DPP10: variants seen among roughly 807,000 people sequenced by gnomAD.
DPP10 encodes the protein inactive dipeptidyl peptidase 10.
A neutral mutation model predicts 120.9 loss-of-function variants in DPP10; 33 were observed. The ratio of observed to expected loss-of-function variants is 0.27; its 90% CI spans 0.21 to 0.37. The LOEUF (loss-of-function observed/expected upper bound fraction) is 0.37, where lower values mean the gene tolerates loss of function less well. Among genes scored for constraint, DPP10 ranks in the 10% least tolerant of loss-of-function variants. The pLI is 1.00. For synonymous variants in DPP10, 337 were observed against 326.1 expected (o/e 1.03, Z -0.36); for missense variants, 816 against 942.8 (o/e 0.87, Z 1.76).
intron 1 of DPP10, among the ~76,000 whole-genome samples, chr2:115,025,171 C>T (rs1010696722): frequency 3.3e-4 from 42 of 126,582 alleles, no homozygotes; most frequent in Non-Finnish European, 5.0e-5. Flanking sequence ...CCTTCTCAGC[C>T]TCTGGTAACC....
chr2:114,724,273 G>A (rs1424757357), intron 1 of DPP10, among the ~76,000 whole-genome samples: 1 of 152,200 alleles, frequency 6.6e-6, no homozygotes, highest in Non-Finnish European at 1.5e-5. Context: ...GCCATAAAAT[G>A]CCACACACTG....
At chr2:115,719,592 A>G (rs530734147) in intron 7 of DPP10, among the ~76,000 whole-genome samples, 19 of 152,332 alleles carry the variant, frequency 1.2e-4, no homozygotes, top group East Asian at 7.7e-4. Context: ...TTTGCATTAT[A>G]TAACTGGACA....
At chr2:115,571,541 CA>C (rs1214887684) in intron 5 of DPP10, among the ~76,000 whole-genome samples, 1 of 152,104 alleles carries the variant, frequency 6.6e-6, no homozygotes, top group African/African-American at 2.4e-5. Flanking sequence ...CATCTTTAAT[CA>C]GAGATGCAAT....
At chr2:114,486,031 G>C (rs1681487907) in intron 1 of DPP10, among the ~76,000 whole-genome samples, 1 of 152,154 alleles carries the variant, frequency 6.6e-6, no homozygotes, top group African/African-American at 2.4e-5. Flanking sequence ...TGAACTTACT[G>C]GAAGATTCGT....
chr2:115,495,150 G>A (rs538252553), intron 3 of DPP10, among the ~76,000 whole-genome samples: 1 of 151,934 alleles, frequency 6.6e-6, no homozygotes, highest in South Asian at 2.1e-4. Context: ...GGATTAAGGC[G>A]AAATATGAAT....
At chr2:114,987,088 G>A (rs773630242) in intron 1 of DPP10, among the ~76,000 whole-genome samples, 1 of 151,976 alleles carries the variant, frequency 6.6e-6, no homozygotes, top group South Asian at 2.1e-4. Flanking sequence ...CCTAGGATAG[G>A]TTTTCTCATT....
intron 1 of DPP10, among the ~76,000 whole-genome samples, chr2:114,823,097 G>A (rs139805428): frequency 1.4e-4 from 22 of 152,176 alleles, no homozygotes; most frequent in African/African-American, 4.6e-4. Context: ...CCAATTTACT[G>A]TATTACTTCT....
intron 1 of DPP10, among the ~76,000 whole-genome samples, chr2:114,552,290 G>A (rs994813776): frequency 6.6e-6 from 1 of 151,976 alleles, no homozygotes; most frequent in Non-Finnish European, 1.5e-5. Flanking sequence ...GATGCTAAGG[G>A]GTTTGTGTTT....
intron 1 of DPP10, among the ~76,000 whole-genome samples, chr2:114,779,086 G>A (rs1682032122): frequency 6.6e-6 from 1 of 151,980 alleles, no homozygotes; most frequent in Non-Finnish European, 1.5e-5. Context: ...TACCTCTGGG[G>A]CCTGAGTAAT....
chr2:115,031,216 A>T (rs1703818817), intron 1 of DPP10, among the ~76,000 whole-genome samples: 1 of 152,192 alleles, frequency 6.6e-6, no homozygotes, highest in Non-Finnish European at 1.5e-5. Flanking sequence ...TTCAGGGAGA[A>T]TGATTTCCTC....
intron 1 of DPP10, chr2:114,462,164 C>T: frequency 1.0e-6 from 1 of 984,640 alleles, no homozygotes; most frequent in Non-Finnish European, 1.2e-6. Flanking sequence ...TTAAAAAATA[C>T]ACATTAAAGT....
At chr2:115,636,157 A>C (rs896877228) in intron 5 of DPP10, among the ~76,000 whole-genome samples, 3 of 151,940 alleles carry the variant, frequency 2.0e-5, no homozygotes, top group African/African-American at 7.2e-5. Flanking sequence ...AAAAAAAAAA[A>C]ACAAAAAACA....
intron 1 of DPP10, among the ~76,000 whole-genome samples, chr2:114,559,783 G>A (rs115000659): frequency 0.011 from 1,617 of 151,678 alleles, 33 homozygotes; most frequent in African/African-American, 0.036. Context: ...GGTCATGAAC[G>A]TGATAGGGCC....
chr2:115,161,813 T>TCCCCCCCCCCC, intron 1 of DPP10: 1 of 744,536 alleles, frequency 1.3e-6, no homozygotes, highest in East Asian at 3.9e-5. Context: ...CTTCTTCCCC[T>TCCCCCCCCCCC]CCCCGCCCCT....
At chr2:114,538,047 T>C (rs1345501775) in intron 1 of DPP10, among the ~76,000 whole-genome samples, 1 of 152,216 alleles carries the variant, frequency 6.6e-6, no homozygotes, top group Non-Finnish European at 1.5e-5. Context: ...GCCAGGAGAA[T>C]TGGTGTTTTT....
At chr2:114,485,462 G>GTTT (rs199626722) in intron 1 of DPP10, among the ~76,000 whole-genome samples, 2,662 of 137,144 alleles carry the variant, frequency 0.019, 109 homozygotes, top group African/African-American at 0.067. Flanking sequence ...AGGAAAAACT[G>GTTT]TTTTTTTTTT....
chr2:115,707,760 G>A (rs2092175880), intron 7 of DPP10, among the ~76,000 whole-genome samples: 1 of 151,790 alleles, frequency 6.6e-6, no homozygotes, highest in South Asian at 2.1e-4. Flanking sequence ...GTGCAGGAAA[G>A]CAGTGCTATC....
chr2:114,561,175 G>A (rs141233833), intron 1 of DPP10, among the ~76,000 whole-genome samples: 462 of 152,180 alleles, frequency 3.0e-3, no homozygotes, highest in Middle Eastern at 0.027. Context: ...GCCCTCATCC[G>A]CAATCCACAT....
Position 114,587,673 on chromosome 2 carries a change from T to A in DPP10, c.60+144835T>A, listed in dbSNP as rs547247851. 6.6e-5 allele frequency among the ~76,000 whole-genome samples: 10 copies of A among 152,286 alleles called. No homozygotes were observed. The East Asian group carries it at 1.9e-3, about 29-fold the overall frequency. ...TTCCAAGAAAAACTTAAAGGGAACA[T>A]AATGGCAGTTTTAAAATAGAGCAAT... On this transcript the variant is annotated intron_variant, in intron 1 of 25. Transcript: ENST00000410059.
Sources: gnomAD v4.1 joint callset for allele counts (sites outside exome capture counted in the v4.1 genomes callset) on GRCh38, gnomAD v4.1.1 for gene constraint, MANE v1.5 for transcripts, NCBI Gene and HGNC (gene_info 2026-07-23, HGNC 2026-07-21) for gene names.